The following ZNF565 variants were observed in gnomAD, a reference collection of about 807,000 sequenced individuals.
The protein encoded by ZNF565 is zinc finger protein 565.
Under a neutral mutation model 39.4 loss-of-function variants are expected in ZNF565, and 27 were observed. The observed-to-expected ratio is 0.69, with a 90% confidence interval of 0.51 to 0.95. The LOEUF (loss-of-function observed/expected upper bound fraction) is 0.95. Among genes scored for constraint, ZNF565 ranks in the 40% least tolerant of loss-of-function variants. ZNF565 has a pLI of 0.00. For synonymous variants in ZNF565, 185 were observed against 216.6 expected, an observed-to-expected ratio of 0.85 and a Z score of 1.28; for missense variants, 524 against 621.1, an observed-to-expected ratio of 0.84 and a Z score of 1.66.
intron 1 of ZNF565, among the ~76,000 whole-genome samples, chr19:36,233,748 A>G (rs888019843): frequency 2.0e-5 from 3 of 152,234 alleles, no homozygotes; most frequent in African/African-American, 7.2e-5. Context: ...TCCCACCTCC[A>G]GCCCTAAGGC....
intron 4 of ZNF565, among the ~76,000 whole-genome samples, chr19:36,188,573 A>T: frequency 6.6e-6 from 1 of 151,574 alleles, no homozygotes; most frequent in Non-Finnish European, 1.5e-5. Context: ...TCAGCCAGGC[A>T]TGGTGGCGGG....
intron 2 of ZNF565, among the ~76,000 whole-genome samples, chr19:36,198,529 C>CA (rs1281909071): frequency 1.3e-5 from 2 of 151,370 alleles, no homozygotes; most frequent in East Asian, 3.9e-4. Context: ...TTAATGGGTA[C>CA]AAAAAATAGA....
upstream of ZNF565, chr19:36,214,927 C>T (rs986006241): frequency 6.5e-6 from 1 of 152,716 alleles, no homozygotes; most frequent in African/African-American, 2.4e-5. Context: ...CGGCCAAGTT[C>T]GCGGGGGGAG....
At chr19:36,191,009 A>AAC (rs1555736055) in intron 4 of ZNF565, among the ~76,000 whole-genome samples, 51 of 147,496 alleles carry the variant, frequency 3.5e-4, no homozygotes, top group East Asian at 1.6e-3. Flanking sequence ...AAAAAAAAAA[A>AAC]ACACATAAAA....
At chr19:36,201,207 T>C (rs1975952238) in intron 2 of ZNF565, among the ~76,000 whole-genome samples, 1 of 151,638 alleles carries the variant, frequency 6.6e-6, no homozygotes. Context: ...GAGGCTGAGG[T>C]GGGAGGATTG....
At chr19:36,236,812 A>T (rs1977660358) in intron 1 of ZNF565, 3 of 1,613,994 alleles carry the variant, frequency 1.9e-6, no homozygotes, top group Non-Finnish European at 2.5e-6. Context: ...CTCACACAGG[A>T]GAGAAGCCCT....
downstream of ZNF565, chr19:36,182,241 A>ATT (rs68088876): frequency 0.077 from 29,451 of 380,152 alleles, 1,167 homozygotes; most frequent in African/African-American, 0.19. Flanking sequence ...TTCTATATTC[A>ATT]TTTTTTTTTA....
intron 1 of ZNF565, among the ~76,000 whole-genome samples, chr19:36,225,941 G>C (rs1336361478): frequency 6.6e-6 from 1 of 151,516 alleles, no homozygotes; most frequent in Non-Finnish European, 1.5e-5. Context: ...TTTTGGATTT[G>C]AATTTTTTGC....
intron 1 of ZNF565, among the ~76,000 whole-genome samples, chr19:36,230,704 A>G (rs977241067): frequency 2.6e-5 from 4 of 152,178 alleles, no homozygotes; most frequent in African/African-American, 7.2e-5. Flanking sequence ...GCAAAAGGGA[A>G]TAAGAGTAGC....
At chr19:36,194,449 A>T in intron 3 of ZNF565, 121 bp from the exon 4 acceptor site, 1 of 666,428 alleles carries the variant, frequency 1.5e-6, no homozygotes, top group South Asian at 2.9e-5. Context: ...AAGGATAGGA[A>T]GACCGAGCTG....
chr19:36,197,117 A>T (rs1246397538), intron 2 of ZNF565, among the ~76,000 whole-genome samples: 1 of 151,422 alleles, frequency 6.6e-6, no homozygotes, highest in African/African-American at 2.4e-5. Context: ...CTAAAACTAC[A>T]AAAAATTAGC....
At position 36,233,946 on chromosome 19, in the gene ZNF565, C is replaced by T. The variant is rs190732179; in HGVS notation, c.55+11530G>A. Among the ~76,000 whole-genome samples the T allele has an allele frequency of 4.3e-3, 637 of 147,528 alleles. 3 individuals are homozygous for T. Among genetic ancestry groups the T allele is most frequent in the Middle Eastern group, 0.017 (5 of 288 alleles). ...CGGACTGGGGGACGGTCAGGTCTTT[C>T]CCTTCCCGCGGGGCCATATTTCAGA... On this transcript the variant is annotated intron_variant, in intron 1 of 4. Transcript: ENST00000355114.
intron 1 of ZNF565, among the ~76,000 whole-genome samples, chr19:36,207,469 G>A (rs901832246): frequency 2.0e-5 from 3 of 152,086 alleles, no homozygotes; most frequent in African/African-American, 7.2e-5. Context: ...GAAGCCAGGA[G>A]GCGGAGGTTG....
intron 1 of ZNF565, among the ~76,000 whole-genome samples, chr19:36,231,708 G>A (rs1977377932): frequency 6.6e-6 from 1 of 152,032 alleles, no homozygotes; most frequent in Non-Finnish European, 1.5e-5. Context: ...CCAGTTTCAT[G>A]TTATTTCTGG....
At chr19:36,202,754 C>A (rs1170266773) in intron 1 of ZNF565, among the ~76,000 whole-genome samples, 4 of 152,164 alleles carry the variant, frequency 2.6e-5, no homozygotes, top group African/African-American at 9.7e-5. Flanking sequence ...AGTCTTCTAG[C>A]TTCTCTGGGC....
intron 1 of ZNF565, among the ~76,000 whole-genome samples, chr19:36,233,394 C>T (rs181498163): frequency 1.3e-5 from 2 of 152,202 alleles, no homozygotes; most frequent in East Asian, 1.9e-4. Context: ...GGGCGTTTCT[C>T]GTCAGGTGGA....
chr19:36,192,518 G>C (rs999269697), intron 4 of ZNF565, among the ~76,000 whole-genome samples: 1 of 151,916 alleles, frequency 6.6e-6, no homozygotes, highest in African/African-American at 2.4e-5. Context: ...AGGTGGGCAG[G>C]TCACTTGAGC....
intron 4 of ZNF565, among the ~76,000 whole-genome samples, chr19:36,185,379 A>G (rs1975253710): frequency 6.7e-6 from 1 of 149,288 alleles, no homozygotes; most frequent in African/African-American, 2.5e-5. Context: ...GCACCACTGC[A>G]CTCCAGCCTG....
chr19:36,207,024 C>T (rs945355947), intron 1 of ZNF565, among the ~76,000 whole-genome samples: 4 of 151,990 alleles, frequency 2.6e-5, no homozygotes, highest in Admixed American at 2.0e-4. Flanking sequence ...GCACCAGGAG[C>T]GGCAATTGCA....
Sources: gnomAD v4.1 joint callset for allele counts (sites outside exome capture counted in the v4.1 genomes callset) on GRCh38, gnomAD v4.1.1 for gene constraint, MANE v1.5 for transcripts, NCBI Gene and HGNC (gene_info 2026-07-23, HGNC 2026-07-21) for gene names.